BRI3: variants seen among roughly 807,000 people sequenced by gnomAD.
The protein encoded by BRI3 is brain protein I3, also known as membrane protein BRI3.
A neutral mutation model predicts 12.8 loss-of-function variants in BRI3; 6 were observed. That is an observed-to-expected ratio of 0.47 (90% CI 0.26 to 0.93). The LOEUF (loss-of-function observed/expected upper bound fraction) is 0.93, where lower values mean the gene tolerates loss of function less well. BRI3 is among the 40% of genes least tolerant of loss of function. BRI3 has a pLI of 0.15. For synonymous variants in BRI3, 91 were observed against 76.1 expected (o/e 1.20, Z -1.02); for missense variants, 134 against 171.1 (o/e 0.78, Z 1.21).
chr7:98,308,090 G>C (rs1476639585), exon 2 of BRI3: 1 of 700,390 alleles, frequency 1.4e-6, no homozygotes, highest in Non-Finnish European at 2.6e-6. Context: ...AACAGAGGCA[G>C]CGTGCAGCCT....
downstream of BRI3, among the ~76,000 whole-genome samples, chr7:98,310,953 T>G (rs562416387): frequency 9.2e-5 from 14 of 152,230 alleles, 1 homozygote; most frequent in African/African-American, 3.4e-4. Flanking sequence ...CCCAAAGTGC[T>G]GGGATTACAG....
chr7:98,304,529 A>G (rs578229549), upstream of BRI3, among the ~76,000 whole-genome samples: 9 of 152,258 alleles, frequency 5.9e-5, no homozygotes, highest in East Asian at 1.9e-4. Context: ...CACAGTACAT[A>G]TATCAATACA....
At chr7:98,285,260 G>C in intron 2 of BRI3, among the ~76,000 whole-genome samples, 1 of 152,280 alleles carries the variant, frequency 6.6e-6, no homozygotes, top group African/African-American at 2.4e-5. Flanking sequence ...ACGGCCCTTG[G>C]GGGGCAGAGG....
exon 1 of BRI3, chr7:98,306,613 A>C: frequency 1.3e-6 from 2 of 1,561,342 alleles, no homozygotes; most frequent in Admixed American, 3.6e-5. Flanking sequence ...AGACAGGTCC[A>C]CTGCTCCAGA....
intron 2 of BRI3, among the ~76,000 whole-genome samples, chr7:98,284,290 ACGTCCCTG>A (rs1473859920): frequency 6.6e-6 from 1 of 152,204 alleles, no homozygotes; most frequent in African/African-American, 2.4e-5. Flanking sequence ...CCCAGCACAC[ACGTCCCTG>A]CGCTCTGCCC....
At chr7:98,321,305 C>T in the BRI3 span, among the ~76,000 whole-genome samples, 1 of 152,212 alleles carries the variant, frequency 6.6e-6, no homozygotes. Flanking sequence ...ATCGAATCCC[C>T]AGAGTAATCT....
downstream of BRI3, among the ~76,000 whole-genome samples, chr7:98,311,546 CAAAAAAAAT>C (rs1476964324): frequency 1.4e-5 from 2 of 147,926 alleles, no homozygotes; most frequent in Non-Finnish European, 3.0e-5. Flanking sequence ...GTCTCAAAAA[CAAAAAAAAT>C]AAAAAAAAAA....
At chr7:98,293,662 C>T, downstream of BRI3, 3 of 1,487,550 alleles carry the variant, frequency 2.0e-6, no homozygotes, top group Non-Finnish European at 2.8e-6. Context: ...TTTAACAGTG[C>T]TAATAACCCG....
downstream of BRI3, chr7:98,292,744 T>G: frequency 6.4e-7 from 1 of 1,551,186 alleles, no homozygotes; most frequent in Non-Finnish European, 8.7e-7. Flanking sequence ...TGGTAATGGA[T>G]GCAGCTTTGG....
downstream of BRI3, chr7:98,312,253 T>C (rs769613207): frequency 6.2e-7 from 1 of 1,611,494 alleles, no homozygotes; most frequent in Non-Finnish European, 8.5e-7. Context: ...TGGAATTCAG[T>C]AGTTCTGCAG....
At chr7:98,319,581 C>CT in the BRI3 span, among the ~76,000 whole-genome samples, 1 of 142,350 alleles carries the variant, frequency 7.0e-6, no homozygotes, top group East Asian at 2.0e-4. Flanking sequence ...GAGTCTTGCT[C>CT]TGTCGCCCAG....
chr7:98,285,527 C>T (rs866382765), intron 2 of BRI3, among the ~76,000 whole-genome samples: 4 of 152,152 alleles, frequency 2.6e-5, no homozygotes, highest in Admixed American at 2.0e-4. Context: ...GCGGATGGGC[C>T]GGAGCTTGGG....
downstream of BRI3, chr7:98,294,140 G>A (rs1476638156): frequency 6.2e-7 from 1 of 1,611,850 alleles, no homozygotes; most frequent in Non-Finnish European, 8.5e-7. Context: ...AGTTTATGGA[G>A]GGCTTAGAAT....
At chr7:98,293,682 T>C (rs1249915998), downstream of BRI3, 2 of 1,337,094 alleles carry the variant, frequency 1.5e-6, no homozygotes, top group Non-Finnish European at 2.1e-6. Flanking sequence ...GTTCTTGCCC[T>C]GTGAGACTGG....
the BRI3 span, chr7:98,317,226 T>C: frequency 6.2e-7 from 1 of 1,614,240 alleles, no homozygotes; most frequent in Non-Finnish European, 8.5e-7. Context: ...CACCTCAATT[T>C]CTTTGTGTTC....
chr7:98,312,313 A>C (rs780299931), downstream of BRI3: 1 of 1,545,380 alleles, frequency 6.5e-7, no homozygotes, highest in South Asian at 1.2e-5. Flanking sequence ...TTGTCTGAAG[A>C]GCTGAGAAAA....
the BRI3 span, chr7:98,323,052 G>C: frequency 6.6e-6 from 1 of 152,186 alleles, no homozygotes; most frequent in African/African-American, 2.4e-5. Context: ...TAAACACGGG[G>C]AGTAAAGACA....
chr7:98,281,926 A>G lies in BRI3; in HGVS notation c.131A>G (p.Tyr44Cys), dbSNP rs1469279706. ...PAAPPPPPYP[Y>C]LVTGIPTHHP... ...GCGCCCCCGCCGCCGCCCTACCCCT[A>G]CCTCGTCACAGGTGGGCCCGTAACC... Residue 44 changes from tyrosine to cysteine, a missense_variant, in exon 1 of 3, where the codon TAC becomes TGC. Transcript: ENST00000297290. 69 of 1,306,184 alleles carry G rather than the reference A, an allele frequency of 5.3e-5. 1 individual carries two copies. In the South Asian group the frequency reaches 6.8e-4, roughly 13 times the overall value. 80.9% of individuals were successfully genotyped at this position (1,306,184 alleles called of 1,614,324 possible).
chr7:98,287,627 A>G lies in BRI3; in HGVS notation c.246-3484A>G, dbSNP rs563376306. 3.9e-5 allele frequency among the ~76,000 whole-genome samples: 6 copies of G among 152,278 alleles called. No individual in the cohort carries two copies. The South Asian group carries it at 1.0e-3, about 26-fold the overall frequency. ...CCCGTGGCAGTGGGAGTGCAGCAAGAGTGAGCAGCCTTCCTGCACTTCTCA... is the reference window on the plus strand; with the variant it reads ...CCCGTGGCAGTGGGAGTGCAGCAAGGGTGAGCAGCCTTCCTGCACTTCTCA... On this transcript the variant is annotated intron_variant, in intron 2 of 2. Transcript: ENST00000297290.
Sources: gnomAD v4.1 joint callset for allele counts (sites outside exome capture counted in the v4.1 genomes callset) on GRCh38, gnomAD v4.1.1 for gene constraint, MANE v1.5 for transcripts, NCBI Gene and HGNC (gene_info 2026-07-23, HGNC 2026-07-21) for gene names.